Variants in DPY19L2 observed in about 807,000 individuals in gnomAD.
DPY19L2 encodes dpy-19 like 2.
In DPY19L2, 34 loss-of-function variants were observed where a neutral mutation model predicts 97.9. The observed-to-expected ratio is 0.35, with a 90% CI of 0.26 to 0.46. The LOEUF (loss-of-function observed/expected upper bound fraction) is 0.46. DPY19L2 is among the 20% of genes least tolerant of loss of function. The pLI, the probability that DPY19L2 is intolerant of heterozygous loss-of-function variation, is 1.00. For synonymous variants in DPY19L2, 230 were observed against 307.9 expected (o/e 0.75, Z 2.65); for missense variants, 623 against 911.4 (o/e 0.68, Z 4.07).
intron 6 of DPY19L2, among the ~76,000 whole-genome samples, chr12:63,636,725 G>A (rs1312377443): frequency 6.6e-6 from 1 of 152,130 alleles, no homozygotes; most frequent in East Asian, 1.9e-4. Context: ...AATTCAACAA[G>A]AAGAGCTAAC....
intron 6 of DPY19L2, among the ~76,000 whole-genome samples, chr12:63,640,641 C>G (rs1452898188): frequency 6.6e-6 from 1 of 152,070 alleles, no homozygotes; most frequent in African/African-American, 2.4e-5. Flanking sequence ...TTGATGACAC[C>G]TCTACAGTCA....
chr12:63,639,526 A>G (rs1191628169), intron 6 of DPY19L2, among the ~76,000 whole-genome samples: 1 of 152,212 alleles, frequency 6.6e-6, no homozygotes, highest in Non-Finnish European at 1.5e-5. Flanking sequence ...CAACCCCATC[A>G]AAAAGTGGAT....
chr12:63,645,521 T>C (rs1453707519), intron 5 of DPY19L2, among the ~76,000 whole-genome samples: 1 of 152,104 alleles, frequency 6.6e-6, no homozygotes, highest in African/African-American at 2.4e-5. Context: ...AGCCACTTGA[T>C]GTCCCCACTC....
At chr12:63,597,131 G>C (rs1884386055) in intron 14 of DPY19L2, among the ~76,000 whole-genome samples, 1 of 151,558 alleles carries the variant, frequency 6.6e-6, no homozygotes, top group Admixed American at 6.6e-5. Context: ...GCACCAACAT[G>C]CCTGGTTAAT....
intron 8 of DPY19L2, 81 bp from the exon 9 acceptor site, chr12:63,621,418 T>C (rs1239188570): frequency 1.5e-5 from 11 of 722,622 alleles, no homozygotes; most frequent in Middle Eastern, 3.8e-4. Context: ...TGCAAAATGA[T>C]AAAATCTACA....
chr12:63,630,019 G>A (rs1433758869), intron 6 of DPY19L2, among the ~76,000 whole-genome samples: 1 of 152,114 alleles, frequency 6.6e-6, no homozygotes, highest in Admixed American at 6.5e-5. Context: ...CAAATGCTGA[G>A]AGATTTTGTC....
intron 6 of DPY19L2, among the ~76,000 whole-genome samples, chr12:63,632,038 T>G (rs969400837): frequency 1.3e-5 from 2 of 152,074 alleles, no homozygotes; most frequent in African/African-American, 4.8e-5. Context: ...AAACTCTCAA[T>G]AAATTAGGTA....
At chr12:63,584,479 C>T (rs28701505) in intron 16 of DPY19L2, among the ~76,000 whole-genome samples, 1 of 152,142 alleles carries the variant, frequency 6.6e-6, no homozygotes, top group African/African-American at 2.4e-5. Flanking sequence ...AGTCCAAAAA[C>T]ATTAAACGAA....
At chr12:63,592,929 A>C (rs1416074223) in intron 16 of DPY19L2, among the ~76,000 whole-genome samples, 4 of 151,410 alleles carry the variant, frequency 2.6e-5, no homozygotes, top group Admixed American at 1.3e-4. Flanking sequence ...CAATGAACTC[A>C]AACAAATTTA....
intron 11 of DPY19L2, among the ~76,000 whole-genome samples, chr12:63,609,571 C>T (rs894354167): frequency 1.1e-4 from 16 of 152,226 alleles, no homozygotes; most frequent in African/African-American, 3.6e-4. Flanking sequence ...AGGGCTTTCA[C>T]CAAGAACCAA....
At chr12:63,662,203 C>T (rs1895766278) in intron 3 of DPY19L2, among the ~76,000 whole-genome samples, 3 of 152,124 alleles carry the variant, frequency 2.0e-5, no homozygotes, top group Admixed American at 6.5e-5. Flanking sequence ...TTCCCCAACA[C>T]AATTTCTTGC....
chr12:63,627,097 A>T (rs1360993150), intron 6 of DPY19L2, among the ~76,000 whole-genome samples: 2 of 152,112 alleles, frequency 1.3e-5, no homozygotes, highest in Non-Finnish European at 2.9e-5. Flanking sequence ...ATTTTTAAGA[A>T]ACAGACTAGC....
At position 63,568,794 on chromosome 12, in the gene DPY19L2, A is replaced by T. The variant is rs945978701; in HGVS notation, c.2126+430T>A. On this transcript the variant is annotated intron_variant, in intron 21 of 21. Coordinates refer to ENST00000324472, the MANE Select transcript of DPY19L2 (RefSeq NM_173812.5). ...AGATTCGAAATTCAGAAATTAAAAA[A>T]TTTTAATTAGGAATGTTTTCCTTAT... Among the ~76,000 whole-genome samples the T allele has an allele frequency of 1.1e-4, 17 of 152,214 alleles. 1 individual carries two copies. Among genetic ancestry groups the T allele is most frequent in the African/African-American group, 3.8e-4 (16 of 41,578 alleles).
At chr12:63,632,591 C>T (rs1194293783) in intron 6 of DPY19L2, among the ~76,000 whole-genome samples, 1 of 152,108 alleles carries the variant, frequency 6.6e-6, no homozygotes, top group Non-Finnish European at 1.5e-5. Context: ...GAAGAAATTC[C>T]ATGCTCATGG....
chr12:63,646,877 A>T (rs1213827685), intron 5 of DPY19L2, among the ~76,000 whole-genome samples: 1 of 152,192 alleles, frequency 6.6e-6, no homozygotes, highest in Non-Finnish European at 1.5e-5. Context: ...GCATAATTAA[A>T]TTTATACATT....
chr12:63,631,719 C>T (rs2199887), intron 6 of DPY19L2, among the ~76,000 whole-genome samples: 8 of 152,208 alleles, frequency 5.3e-5, no homozygotes, highest in South Asian at 2.1e-4. Context: ...TTTTAGGAGG[C>T]CAGCATCATC....
intron 21 of DPY19L2, among the ~76,000 whole-genome samples, chr12:63,564,742 T>A (rs905921637): frequency 1.3e-5 from 2 of 152,182 alleles, no homozygotes; most frequent in Non-Finnish European, 2.9e-5. Context: ...TTAGGTCATA[T>A]TGGTTGATGG....
At chr12:63,628,603 C>G (rs11833909) in intron 6 of DPY19L2, among the ~76,000 whole-genome samples, 12,026 of 151,868 alleles carry the variant, frequency 0.079, 740 homozygotes, top group African/African-American at 0.17. Flanking sequence ...CACAGCTCAA[C>G]GAGGCCTCCC....
intron 16 of DPY19L2, among the ~76,000 whole-genome samples, chr12:63,588,977 T>C (rs1014652140): frequency 4.6e-5 from 7 of 151,794 alleles, no homozygotes; most frequent in African/African-American, 1.7e-4. Context: ...ATGGCCTCAA[T>C]CTCCTGACCT....
Sources: allele counts gnomAD v4.1 joint callset (sites outside exome capture counted in the v4.1 genomes callset), GRCh38; gene constraint gnomAD v4.1.1; transcripts MANE v1.5; gene names NCBI Gene and HGNC (gene_info 2026-07-23, HGNC 2026-07-21).